MCF2L2: variants seen among roughly 807,000 people sequenced by gnomAD.
MCF2L2 encodes the protein probable guanine nucleotide exchange factor MCF2L2.
A neutral mutation model predicts 150.2 loss-of-function variants in MCF2L2; 102 were observed. The ratio of observed to expected loss-of-function variants is 0.68; its 90% confidence interval spans 0.58 to 0.80. The LOEUF is 0.80. Ranked by LOEUF, MCF2L2 falls within the 30% of genes least tolerant of loss-of-function variation. The probability of loss-of-function intolerance (pLI) is 0.00; values close to 1 mark genes in which losing one functional copy is unlikely to be tolerated. For missense variants in MCF2L2, 1,256 were observed against 1,372.8 expected (o/e 0.91, Z 1.34); for synonymous variants, 465 against 491.3 (o/e 0.95, Z 0.71).
intron 3 of MCF2L2, among the ~76,000 whole-genome samples, chr3:183,346,182 G>A (rs1347695912): frequency 6.6e-6 from 1 of 152,148 alleles, no homozygotes; most frequent in African/African-American, 2.4e-5. Flanking sequence ...TACAACACTG[G>A]CAAACTGAAT....
At chr3:183,250,550 G>A (rs1010169100) in intron 15 of MCF2L2, among the ~76,000 whole-genome samples, 1 of 150,824 alleles carries the variant, frequency 6.6e-6, no homozygotes, top group Non-Finnish European at 1.5e-5. Flanking sequence ...TCGTGCCACT[G>A]CACTCCAGCC....
At chr3:183,263,138 G>A (rs1384873822) in intron 15 of MCF2L2, among the ~76,000 whole-genome samples, 1 of 152,136 alleles carries the variant, frequency 6.6e-6, no homozygotes, top group Non-Finnish European at 1.5e-5. Context: ...CAGAAGAAAT[G>A]CAGTTCTCAG....
At chr3:183,276,403 T>C (rs985111251) in intron 15 of MCF2L2, among the ~76,000 whole-genome samples, 11 of 152,186 alleles carry the variant, frequency 7.2e-5, no homozygotes, top group Admixed American at 6.5e-4. Context: ...AGTATAAATA[T>C]TTTTTTAAAA....
At chr3:183,389,617 C>T (rs888927621) in intron 2 of MCF2L2, 79 bp downstream of exon 2, 1 of 1,242,332 alleles carries the variant, frequency 8.0e-7, no homozygotes, top group African/African-American at 1.5e-5. Context: ...TATAACATTC[C>T]TCAAGGTTCA....
rs752123815 is a variant in MCF2L2 at position 183,379,322 on chromosome 3, T to A, written c.250A>T (p.Met84Leu). The A allele has an allele frequency of 6.2e-7, 1 of 1,611,214 alleles. No homozygotes were observed. Among genetic ancestry groups the A allele is most frequent in the African/African-American group, 1.3e-5 (1 of 74,832 alleles). ...CTGGGGATGCTAGTCAGGTAGGTCATGACATTCAGGAAGTCTTCATCTGGG... is the reference window on the plus strand; with the variant it reads ...CTGGGGATGCTAGTCAGGTAGGTCAAGACATTCAGGAAGTCTTCATCTGGG... The part of the protein sequence containing the change: ...HIPDEDFLNV[M>L]TYLTSIPSVE... The change falls in exon 3 of 30, where the codon ATG becomes TTG. Residue 84 changes from methionine (M) to leucine (L), a missense_variant. By Grantham distance (15) the Met-to-Leu change is conservative (BLOSUM62 2). Transcript: ENST00000328913.
rs1292634903 is a variant in MCF2L2, at chr3:183,338,924, A to G, written c.367-5T>C. On this transcript the variant is annotated splice_region_variant and splice_polypyrimidine_tract_variant and intron_variant, in intron 4 of 29. Transcript: ENST00000328913. ...TAAGTTTCCTGGAAATGCCACCTGC[A>G]AGCATCAGGAAAAGTGTCAGGAGGA... The G allele has an allele frequency of 6.3e-7, 1 of 1,594,584 alleles. No individual in the cohort carries two copies. The highest frequency in any genetic ancestry group is 2.2e-5 in the East Asian group (1 of 44,564).
rs576012901 is a variant in MCF2L2, at chr3:183,383,337, C to A, written c.161-3926G>T. Among the ~76,000 whole-genome samples, 11 of 152,218 alleles carry A rather than the reference C, an allele frequency of 7.2e-5. No homozygotes were observed. In the East Asian group the frequency reaches 1.7e-3, roughly 24 times the overall value. On this transcript the variant is annotated intron_variant, in intron 2 of 29. Transcript: ENST00000328913. Reference sequence around the variant, plus strand: ...ACAACCTCCGCCTCTCGGGTTCAAGCGATTCTCCTGCCTCAGCCTCCCAAG... The same window carrying A: ...ACAACCTCCGCCTCTCGGGTTCAAGAGATTCTCCTGCCTCAGCCTCCCAAG...
chr3:183,403,246 T>C (rs549755062), intron 1 of MCF2L2, among the ~76,000 whole-genome samples: 5 of 152,106 alleles, frequency 3.3e-5, no homozygotes, highest in Non-Finnish European at 7.4e-5. Context: ...CACTCCAGCC[T>C]GGGTAACAGT....
At chr3:183,418,250 A>T (rs570990214) in intron 1 of MCF2L2, among the ~76,000 whole-genome samples, 1 of 152,274 alleles carries the variant, frequency 6.6e-6, no homozygotes, top group East Asian at 1.9e-4. Context: ...TATCATGAGA[A>T]CAGCATGGAG....
At chr3:183,322,937 G>A (rs890952520) in intron 6 of MCF2L2, among the ~76,000 whole-genome samples, 5 of 152,152 alleles carry the variant, frequency 3.3e-5, no homozygotes, top group Admixed American at 3.3e-4. Flanking sequence ...AAGTAAATTA[G>A]TTTCTCTGAG....
intron 15 of MCF2L2, among the ~76,000 whole-genome samples, chr3:183,268,107 A>G (rs1268807939): frequency 1.3e-5 from 2 of 152,234 alleles, no homozygotes; most frequent in East Asian, 3.8e-4. Flanking sequence ...TGTAGACTTC[A>G]TATTAGCAAG....
chr3:183,286,613 T>C (rs1727811181), intron 14 of MCF2L2, among the ~76,000 whole-genome samples: 1 of 152,268 alleles, frequency 6.6e-6, no homozygotes, highest in South Asian at 2.1e-4. Flanking sequence ...CTGGTTATAA[T>C]ACACAATGTG....
chr3:183,361,224 C>T (rs538296825), intron 3 of MCF2L2, among the ~76,000 whole-genome samples: 7 of 152,196 alleles, frequency 4.6e-5, no homozygotes, highest in African/African-American at 1.4e-4. Context: ...TTAATCAAAA[C>T]ATGGCATCAT....
At chr3:183,312,946 T>C (rs1367913098) in intron 7 of MCF2L2, among the ~76,000 whole-genome samples, 3 of 152,216 alleles carry the variant, frequency 2.0e-5, no homozygotes, top group African/African-American at 7.2e-5. Flanking sequence ...TGCCCCACAT[T>C]AGCCACATGG....
intron 15 of MCF2L2, among the ~76,000 whole-genome samples, chr3:183,234,690 T>TC (rs1348781027): frequency 3.2e-5 from 4 of 125,700 alleles, no homozygotes; most frequent in African/African-American, 1.1e-4. Flanking sequence ...TATGACTCTT[T>TC]TTTTTTTTTT....
At chr3:183,260,185 G>C (rs917748071) in intron 15 of MCF2L2, among the ~76,000 whole-genome samples, 2 of 152,056 alleles carry the variant, frequency 1.3e-5, no homozygotes, top group African/African-American at 4.8e-5. Flanking sequence ...CGATGCCTCA[G>C]TATCTTCTGC....
chr3:183,244,593 A>C (rs915107403), intron 15 of MCF2L2, among the ~76,000 whole-genome samples: 1 of 152,190 alleles, frequency 6.6e-6, no homozygotes, highest in Non-Finnish European at 1.5e-5. Context: ...TAGGTTCATA[A>C]AATGCTAAAA....
At chr3:183,288,418 C>T (rs1382028920) in intron 14 of MCF2L2, among the ~76,000 whole-genome samples, 1 of 151,942 alleles carries the variant, frequency 6.6e-6, no homozygotes, top group Non-Finnish European at 1.5e-5. Flanking sequence ...CAGGGTTCAC[C>T]AGTTATTCAC....
intron 17 of MCF2L2, among the ~76,000 whole-genome samples, chr3:183,228,622 G>C (rs951011915): frequency 2.0e-5 from 3 of 152,148 alleles, no homozygotes; most frequent in Non-Finnish European, 4.4e-5. Context: ...AAATAAGAAA[G>C]AGAATGAGAA....
Sources: allele counts gnomAD v4.1 joint callset (sites outside exome capture counted in the v4.1 genomes callset), GRCh38; gene constraint gnomAD v4.1.1; transcripts MANE v1.5; gene names NCBI Gene and HGNC (gene_info 2026-07-23, HGNC 2026-07-21).